Variants in ZNG1B observed in about 807,000 individuals in gnomAD.
ZNG1B encodes the protein Zn regulated GTPase metalloprotein activator 1B, also known as zinc-regulated GTPase metalloprotein activator 1B.
chr2:113,439,097 C>T, the ZNG1B span: 1 of 1,540,270 alleles, frequency 6.5e-7, no homozygotes, highest in Admixed American at 2.0e-5. Flanking sequence ...GCCGCTCGGG[C>T]CTTTCCCGTA....
chr2:113,481,000 T>C, the ZNG1B span, among the ~76,000 whole-genome samples: 1 of 151,196 alleles, frequency 6.6e-6, no homozygotes, highest in African/African-American at 2.4e-5. Flanking sequence ...TAGATTAGTC[T>C]TTTAAAAATG....
chr2:113,439,788 T>G, the ZNG1B span, among the ~76,000 whole-genome samples: 1 of 152,060 alleles, frequency 6.6e-6, no homozygotes, highest in South Asian at 2.1e-4. Flanking sequence ...TCCATAGCAT[T>G]TTGTGCATCT....
the ZNG1B span, among the ~76,000 whole-genome samples, chr2:113,477,166 C>T: frequency 8.5e-5 from 13 of 152,136 alleles, no homozygotes; most frequent in Middle Eastern, 3.2e-3. Flanking sequence ...TAGCAATCAG[C>T]GAGACTCCGT....
the ZNG1B span, chr2:113,462,483 A>T: frequency 1.3e-6 from 2 of 1,596,314 alleles, no homozygotes; most frequent in Non-Finnish European, 1.7e-6. Context: ...AGAAATTAAG[A>T]GCGACAATTA....
At chr2:113,475,895 C>G in the ZNG1B span, among the ~76,000 whole-genome samples, 2 of 152,072 alleles carry the variant, frequency 1.3e-5, no homozygotes, top group African/African-American at 4.8e-5. Context: ...GAGGGTAACC[C>G]GACCTTTCTC....
chr2:113,457,603 A>G, the ZNG1B span, among the ~76,000 whole-genome samples: 1,402 of 150,572 alleles, frequency 9.3e-3, 23 homozygotes, highest in African/African-American at 0.032. Context: ...GTTATTTCAG[A>G]GAGTTCCTTT....
the ZNG1B span, chr2:113,439,113 C>T: frequency 9.2e-6 from 14 of 1,528,134 alleles, no homozygotes; most frequent in East Asian, 2.9e-4. Flanking sequence ...CCGTATTGCT[C>T]ACTGGTAGGT....
chr2:113,486,733 G>C, the ZNG1B span, among the ~76,000 whole-genome samples: 7 of 152,034 alleles, frequency 4.6e-5, no homozygotes, highest in South Asian at 8.3e-4. Flanking sequence ...TCCAGCCTGG[G>C]CAACAGAGTG....
At chr2:113,442,437 A>G in the ZNG1B span, among the ~76,000 whole-genome samples, 1 of 152,210 alleles carries the variant, frequency 6.6e-6, no homozygotes, top group African/African-American at 2.4e-5. Flanking sequence ...GTAAAAAGTA[A>G]AAGAGCTAGG....
the ZNG1B span, among the ~76,000 whole-genome samples, chr2:113,450,459 A>G: frequency 6.6e-6 from 1 of 150,408 alleles, no homozygotes; most frequent in Non-Finnish European, 1.5e-5. Context: ...TGTGTTATAT[A>G]GGCTCTAAGT....
the ZNG1B span, chr2:113,437,964 G>A: frequency 1.2e-5 from 19 of 1,611,900 alleles, no homozygotes; most frequent in Non-Finnish European, 1.6e-5. Flanking sequence ...AAAGCGAGGA[G>A]GAGGAAAAGT....
chr2:113,439,196 T>G, the ZNG1B span: 4 of 1,313,450 alleles, frequency 3.0e-6, no homozygotes, highest in Non-Finnish European at 4.2e-6. Flanking sequence ...TTGCTGAATC[T>G]AGGGATAGTT....
the ZNG1B span, among the ~76,000 whole-genome samples, chr2:113,484,837 A>T: frequency 4.1e-3 from 423 of 103,602 alleles, 3 homozygotes; most frequent in African/African-American, 0.013. Context: ...TAATTTTTGT[A>T]TTTTTTTTTT....
the ZNG1B span, among the ~76,000 whole-genome samples, chr2:113,446,669 G>T: frequency 6.7e-6 from 1 of 150,366 alleles, no homozygotes; most frequent in African/African-American, 2.5e-5. Context: ...TCACTTCAAA[G>T]CTGGGAGGCG....
chr2:113,448,927 A>T, the ZNG1B span, among the ~76,000 whole-genome samples: 471 of 151,638 alleles, frequency 3.1e-3, 2 homozygotes, highest in African/African-American at 0.01. Context: ...AATAAATAAA[A>T]AATAAGTCTG....
At chr2:113,476,583 G>A in the ZNG1B span, among the ~76,000 whole-genome samples, 11 of 148,840 alleles carry the variant, frequency 7.4e-5, no homozygotes, top group African/African-American at 2.8e-4. Flanking sequence ...TTTGGAGGAG[G>A]AGAGGCGCTC....
the ZNG1B span, among the ~76,000 whole-genome samples, chr2:113,443,333 GA>G: frequency 4.0e-5 from 6 of 151,834 alleles, no homozygotes; most frequent in South Asian, 1.0e-3. Flanking sequence ...TTGTCTAACA[GA>G]AACAATTTAG....
chr2:113,445,863 T>C, the ZNG1B span, among the ~76,000 whole-genome samples: 3 of 151,768 alleles, frequency 2.0e-5, no homozygotes, highest in African/African-American at 7.3e-5. Flanking sequence ...ATTAAAGTAT[T>C]TGGGGGTAAT....
the ZNG1B span, chr2:113,495,086 C>T: frequency 7.2e-7 from 1 of 1,392,068 alleles, no homozygotes; most frequent in Non-Finnish European, 9.5e-7. Context: ...TGAACTGAGG[C>T]TGATTAATGT....
Sources: gnomAD v4.1 joint callset for allele counts (sites outside exome capture counted in the v4.1 genomes callset) on GRCh38, gnomAD v4.1.1 for gene constraint, MANE v1.5 for transcripts, NCBI Gene and HGNC (gene_info 2026-07-23, HGNC 2026-07-21) for gene names.